CSPP1: variants seen among roughly 807,000 people sequenced by gnomAD.
CSPP1 encodes the protein centrosome and spindle pole associated protein 1.
CSPP1 carries 126 observed loss-of-function variants against 164.4 expected under a neutral mutation model. The ratio of observed to expected loss-of-function variants is 0.77; its 90% CI spans 0.66 to 0.89. The LOEUF (loss-of-function observed/expected upper bound fraction) is 0.89. Ranked by LOEUF, CSPP1 falls within the 40% of genes least tolerant of loss-of-function variation. The pLI is 0.00. For synonymous variants in CSPP1, 472 were observed against 476.7 expected (o/e 0.99, Z 0.13); for missense variants, 1,395 against 1,449.8 (o/e 0.96, Z 0.61).
chr8:67,118,482 A>C, intron 14 of CSPP1, 113 bp downstream of exon 14: 1 of 1,090,714 alleles, frequency 9.2e-7, no homozygotes, highest in Non-Finnish European at 1.4e-6. Context: ...TGCTTAATTC[A>C]GATGTTATAT....
At chr8:67,195,288 T>TGAG (rs1400436506) in intron 30 of CSPP1, 94 bp from the exon 31 acceptor site, 5 of 802,894 alleles carry the variant, frequency 6.2e-6, no homozygotes, top group South Asian at 2.8e-5. Flanking sequence ...GGGGAAATGC[T>TGAG]GAGTTGTAAT....
intron 26 of CSPP1, among the ~76,000 whole-genome samples, chr8:67,176,798 G>C (rs994120174): frequency 2.0e-5 from 3 of 152,094 alleles, no homozygotes; most frequent in African/African-American, 7.2e-5. Context: ...CTGGCCAGGC[G>C]TGGTGGCTCA....
At position 67,159,868 on chromosome 8, in the gene CSPP1, CTT is replaced by C. The variant is rs1240753228; in HGVS notation, c.2538+733_2538+734del. Among the ~76,000 whole-genome samples, 11 of 41,630 alleles carry C rather than the reference CTT, an allele frequency of 2.6e-4. 2 individuals are homozygous for C. The highest frequency in any genetic ancestry group is 1.0e-3 in the African/African-American group (8 of 7,816). The allele number at this position is 41,630 out of a possible 152,430, so 27.3% of individuals were successfully genotyped here. ...TTTCTTTCTTTTTCTTTCTTTCTTT[CTT>C]TCTTTCTTTCTTTCTTTCTTTCTTT... On this transcript the variant is annotated intron_variant, in intron 21 of 30. Coordinates refer to ENST00000678616, the MANE Select transcript of CSPP1 (RefSeq NM_001382391.1).
chr8:67,089,495 C>T (rs547013934), intron 4 of CSPP1, among the ~76,000 whole-genome samples: 1 of 152,322 alleles, frequency 6.6e-6, no homozygotes, highest in Non-Finnish European at 1.5e-5. Flanking sequence ...ACCCTCATGG[C>T]TGATAAACCT....
intron 17 of CSPP1, among the ~76,000 whole-genome samples, chr8:67,138,103 A>G (rs1822721971): frequency 6.6e-6 from 1 of 152,242 alleles, no homozygotes. Context: ...AGCAAGTTTC[A>G]TAATTTGTTG....
intron 28 of CSPP1, among the ~76,000 whole-genome samples, chr8:67,184,800 T>C (rs908272297): frequency 6.8e-6 from 1 of 146,530 alleles, no homozygotes; most frequent in African/African-American, 2.6e-5. Flanking sequence ...ACAGGTCCCA[T>C]GAACGTTAAA....
At chr8:67,121,689 G>A (rs967391265) in intron 15 of CSPP1, among the ~76,000 whole-genome samples, 2 of 152,080 alleles carry the variant, frequency 1.3e-5, no homozygotes, top group African/African-American at 4.8e-5. Flanking sequence ...ATTAGGAAGT[G>A]TTCCCTCCTC....
At chr8:67,129,038 T>C (rs1009891438) in intron 15 of CSPP1, among the ~76,000 whole-genome samples, 17 of 152,082 alleles carry the variant, frequency 1.1e-4, no homozygotes, top group Non-Finnish European at 2.1e-4. Context: ...TTAGATATAA[T>C]CAATATGATT....
At chr8:67,079,195 G>A (rs1380285145) in intron 3 of CSPP1, among the ~76,000 whole-genome samples, 2 of 152,100 alleles carry the variant, frequency 1.3e-5, no homozygotes, top group Non-Finnish European at 2.9e-5. Flanking sequence ...GTGTGTTCAT[G>A]ACTTCTGAAT....
chr8:67,108,018 A>ATTTTTTTTTTTTTTT (rs1815987446), intron 9 of CSPP1, among the ~76,000 whole-genome samples: 1 of 139,698 alleles, frequency 7.2e-6, no homozygotes, highest in African/African-American at 2.8e-5. Context: ...GTGGCTCAGA[A>ATTTTTTTTTTTTTTT]TATAGTCTGT....
intron 3 of CSPP1, among the ~76,000 whole-genome samples, chr8:67,077,312 C>T (rs963180725): frequency 6.6e-6 from 1 of 151,822 alleles, no homozygotes; most frequent in East Asian, 1.9e-4. Context: ...AGCCACCATG[C>T]CCAGTCTGTA....
chr8:67,151,018 C>T (rs1053467808), intron 18 of CSPP1, among the ~76,000 whole-genome samples: 2 of 151,604 alleles, frequency 1.3e-5, no homozygotes, highest in African/African-American at 4.8e-5. Flanking sequence ...TGTTTTTAAC[C>T]CTTATTTTTG....
chr8:67,104,966 A>ATATATATTTT (rs1247108884), intron 8 of CSPP1, among the ~76,000 whole-genome samples: 1 of 60,746 alleles, frequency 1.6e-5, no homozygotes, highest in African/African-American at 6.9e-5. Flanking sequence ...ATATATATAT[A>ATATATATTTT]TTTTTTTTTT....
intron 17 of CSPP1, among the ~76,000 whole-genome samples, chr8:67,149,436 AT>A (rs1320744339): frequency 1.3e-5 from 2 of 152,192 alleles, no homozygotes; most frequent in Non-Finnish European, 2.9e-5. Context: ...TGACAGGTAA[AT>A]TACACTATGA....
At chr8:67,067,414 ATC>A (rs1805800296) in intron 1 of CSPP1, among the ~76,000 whole-genome samples, 1 of 152,112 alleles carries the variant, frequency 6.6e-6, no homozygotes, top group Admixed American at 6.5e-5. Context: ...GATTATTTAA[ATC>A]TCAGCATACT....
rs115468890 is a variant in CSPP1, at chr8:67,173,796, T to A, written c.2968+1241T>A. 176 of 152,372 alleles carry A rather than the reference T, an allele frequency of 1.2e-3. 2 individuals carry two copies. The highest frequency in any genetic ancestry group is 4.1e-3 in the African/African-American group (169 of 41,604). The allele number at this position is 152,372 out of a possible 1,614,324, so 9.4% of individuals were successfully genotyped here. A position where few individuals can be genotyped will look rare whatever the true frequency, so the allele number is the denominator to read the frequency against. On this transcript the variant is annotated intron_variant, in intron 25 of 30. Transcript: ENST00000678616. ...ATTACTTACTATCTGCCAGGCATTG[T>A]GTTAACCCAGTGGGTCTCATGAGGA... is the stretch of plus-strand genomic sequence containing the variant.
At chr8:67,083,548 A>AAAAAAAAAAAAAAAATATATATAT (rs1332248754) in intron 3 of CSPP1, 1 of 91,482 alleles carries the variant, frequency 1.1e-5, no homozygotes, top group African/African-American at 4.4e-5. Context: ...AAAAAAAAAA[A>AAAAAAAAAAAAAAAATATATATAT]ATATATATAT....
At position 67,193,477 on chromosome 8, in the gene CSPP1, C is replaced by G. The variant is rs754465486; in HGVS notation, c.3344C>G (p.Pro1115Arg). 1.2e-6 allele frequency: 2 copies of G among 1,612,992 alleles called. No homozygotes were observed. The highest frequency in any genetic ancestry group is 1.7e-6 in the Non-Finnish European group (2 of 1,179,114). Residue 1115 changes from proline to arginine, a missense_variant, in exon 30 of 31, where the codon CCT becomes CGT. Transcript: ENST00000678616. ...TTCTAACTACAGGATAGCAGTCGTC[C>G]TAATGTAGCACCAGATGGTCTCTCT... ...WKGLDIDSSR[P>R]NVAPDGLSLK...
chr8:67,095,068 T>A (rs879911235), intron 6 of CSPP1, among the ~76,000 whole-genome samples: 2 of 152,216 alleles, frequency 1.3e-5, no homozygotes, highest in Non-Finnish European at 2.9e-5. Context: ...AGCTTGTTTA[T>A]CCATTCCCCT....
Sources: allele counts gnomAD v4.1 joint callset (sites outside exome capture counted in the v4.1 genomes callset), GRCh38; gene constraint gnomAD v4.1.1; transcripts MANE v1.5; gene names NCBI Gene and HGNC (gene_info 2026-07-23, HGNC 2026-07-21).